PRKD3: variants seen among roughly 807,000 people sequenced by gnomAD.
PRKD3 encodes the protein serine/threonine-protein kinase D3.
In PRKD3, 47 loss-of-function variants were observed where a neutral mutation model predicts 99.2. The ratio of observed to expected loss-of-function variants is 0.47; its 90% confidence interval spans 0.38 to 0.60. PRKD3 has a LOEUF of 0.60. Ranked by LOEUF, PRKD3 falls within the 20% of genes least tolerant of loss-of-function variation. The pLI is 0.00. For missense variants in PRKD3, 1,019 were observed against 1,088.4 expected, an observed-to-expected ratio of 0.94 and a Z score of 0.90; for synonymous variants, 392 against 355.4, an observed-to-expected ratio of 1.10 and a Z score of -1.16.
chr2:37,300,132 A>G (rs1281355346), intron 2 of PRKD3, among the ~76,000 whole-genome samples: 2 of 152,228 alleles, frequency 1.3e-5, no homozygotes, highest in Non-Finnish European at 2.9e-5. Flanking sequence ...GTGTCCATCA[A>G]TGGATAAATG....
Position 37,253,044 on chromosome 2 carries a change from G to A in PRKD3, c.*133C>T. The stretch of plus-strand genomic sequence containing the variant: ...CCTACTCATTATGAACTACAGTACT[G>A]GTGTCACTTATTCGTTATCATATTT... On this transcript the variant is annotated 3_prime_UTR_variant, in exon 19 of 19. Transcript: ENST00000234179. 1.1e-6 allele frequency: 1 copy of A among 884,058 alleles called. No homozygotes were observed. Among genetic ancestry groups the A allele is most frequent in the Non-Finnish European group, 1.7e-6 (1 of 597,376 alleles). The allele number at this position is 884,058 out of a possible 1,614,324, so 54.8% of individuals were successfully genotyped here.
chr2:37,267,344 CT>C, intron 14 of PRKD3, 85 bp downstream of exon 14: 3 of 900,170 alleles, frequency 3.3e-6, no homozygotes, highest in Non-Finnish European at 4.9e-6. Context: ...ATTTTGCCTT[CT>C]TAAAAAAAAA....
intron 5 of PRKD3, among the ~76,000 whole-genome samples, chr2:37,287,825 C>A (rs937305441): frequency 3.3e-5 from 5 of 152,170 alleles, no homozygotes; most frequent in African/African-American, 1.2e-4. Context: ...CCTCAGGTTA[C>A]AAAAATTTTT....
At chr2:37,288,815 G>T (rs876461) in intron 5 of PRKD3, among the ~76,000 whole-genome samples, 2 of 152,158 alleles carry the variant, frequency 1.3e-5, no homozygotes, top group East Asian at 1.9e-4. Context: ...CAGAACTTTG[G>T]GAGGCCGAGG....
At chr2:37,306,064 ATTC>A (rs1246922286) in intron 2 of PRKD3, among the ~76,000 whole-genome samples, 1 of 132,922 alleles carries the variant, frequency 7.5e-6, no homozygotes, top group African/African-American at 2.8e-5. Context: ...TCTTCCTTGG[ATTC>A]TTTTTTTTTT....
chr2:37,261,878 TA>T (rs944100872), intron 14 of PRKD3, among the ~76,000 whole-genome samples: 83 of 152,226 alleles, frequency 5.5e-4, no homozygotes, highest in Non-Finnish European at 9.0e-4. Flanking sequence ...ATTCATTCAG[TA>T]AAAAACGTAT....
chr2:37,267,016 AAT>A (rs1668890790), intron 14 of PRKD3, among the ~76,000 whole-genome samples: 1 of 152,176 alleles, frequency 6.6e-6, no homozygotes, highest in Non-Finnish European at 1.5e-5. Context: ...AATACGCCCC[AAT>A]CGACTAAGCC....
At chr2:37,321,210 T>C (rs1671871136) in intron 1 of PRKD3, among the ~76,000 whole-genome samples, 1 of 152,224 alleles carries the variant, frequency 6.6e-6, no homozygotes, top group African/African-American at 2.4e-5. Context: ...TAATATCATC[T>C]AGTTGGCAAG....
chr2:37,286,468 G>T, intron 5 of PRKD3, 99 bp from the exon 6 acceptor site: 2 of 990,172 alleles, frequency 2.0e-6, no homozygotes, highest in East Asian at 2.7e-5. Context: ...AAACACTAAA[G>T]CCAAAAAACT....
chr2:37,269,583 T>G, intron 13 of PRKD3, 32 bp downstream of exon 13: 1 of 1,563,318 alleles, frequency 6.4e-7, no homozygotes, highest in Non-Finnish European at 8.8e-7. Context: ...TAAAATAATG[T>G]GTACAATATG....
At chr2:37,313,431 G>A (rs7605677) in intron 2 of PRKD3, among the ~76,000 whole-genome samples, 100,030 of 151,994 alleles carry the variant, frequency 0.66, 33,566 homozygotes, top group East Asian at 0.98. Context: ...AAAAGGACCT[G>A]AGAACAGAAG....
chr2:37,262,643 TG>T (rs1282527905), intron 14 of PRKD3, among the ~76,000 whole-genome samples: 2 of 151,862 alleles, frequency 1.3e-5, no homozygotes, highest in Non-Finnish European at 2.9e-5. Context: ...GAAATGTGAC[TG>T]TTTTGCTAGG....
chr2:37,267,391 G>T (rs1572632242), intron 14 of PRKD3, 39 bp downstream of exon 14: 3 of 1,317,366 alleles, frequency 2.3e-6, no homozygotes, highest in South Asian at 1.3e-5. Flanking sequence ...ATTCTTACCA[G>T]CCTCTTTAAT....
chr2:37,268,218 T>A, intron 13 of PRKD3: 1 of 430,268 alleles, frequency 2.3e-6, no homozygotes, highest in South Asian at 1.8e-5. Flanking sequence ...TTAGATTAAC[T>A]CATTTGTCTC....
intron 4 of PRKD3, among the ~76,000 whole-genome samples, chr2:37,289,925 T>C (rs113725619): frequency 2.6e-5 from 4 of 152,234 alleles, no homozygotes; most frequent in African/African-American, 9.6e-5. Context: ...AAATTCCTCC[T>C]GTGACATGAA....
intron 18 of PRKD3, among the ~76,000 whole-genome samples, chr2:37,253,803 C>CT (rs1022143523): frequency 6.6e-6 from 1 of 152,150 alleles, no homozygotes; most frequent in African/African-American, 2.4e-5. Context: ...CCTCCTTACT[C>CT]TGAAGTTTGG....
In PRKD3 at chr2:37,272,443, T is replaced by C; in HGVS notation, c.1652-11A>G. The C allele has an allele frequency of 6.3e-7, 1 of 1,598,386 alleles. No individual in the cohort carries two copies. The highest frequency in any genetic ancestry group is 1.4e-5 in the African/African-American group (1 of 73,860). On this transcript the variant is annotated splice_polypyrimidine_tract_variant and intron_variant, in intron 11 of 18. Transcript: ENST00000234179. ...TTGTAGACAAATCTTCTGTAAAATA[T>C]AAAAAAGACAAAATTTAGTATATGA...
chr2:37,298,515 G>C (rs1161485862), intron 2 of PRKD3, among the ~76,000 whole-genome samples: 1 of 151,678 alleles, frequency 6.6e-6, no homozygotes, highest in African/African-American at 2.4e-5. Context: ...CTGTAAAATA[G>C]TGCCTACTTG....
intron 6 of PRKD3, among the ~76,000 whole-genome samples, chr2:37,285,258 G>A (rs1332915180): frequency 6.6e-6 from 1 of 152,146 alleles, no homozygotes. Context: ...CAGCATTGCT[G>A]AGAAGGTATG....
Sources: allele counts gnomAD v4.1 joint callset (sites outside exome capture counted in the v4.1 genomes callset), GRCh38; gene constraint gnomAD v4.1.1; transcripts MANE v1.5; gene names NCBI Gene and HGNC (gene_info 2026-07-23, HGNC 2026-07-21).